Variants in MAF observed in about 807,000 individuals in gnomAD.
MAF encodes the protein transcription factor Maf.
A neutral mutation model predicts 22.0 loss-of-function variants in MAF; 10 were observed. The observed-to-expected ratio is 0.45, with a 90% CI of 0.28 to 0.77. The LOEUF is 0.77. MAF is among the 30% of genes least tolerant of loss of function. The probability of loss-of-function intolerance (pLI) is 0.12; values close to 1 mark genes in which losing one functional copy is unlikely to be tolerated. For synonymous variants in MAF, 337 were observed against 255.8 expected, an observed-to-expected ratio of 1.32 and a Z score of -3.03; for missense variants, 544 against 548.4, an observed-to-expected ratio of 0.99 and a Z score of 0.08.
the MAF span, among the ~76,000 whole-genome samples, chr16:79,292,505 G>A: frequency 6.6e-6 from 1 of 152,184 alleles, no homozygotes; most frequent in Admixed American, 6.5e-5. Flanking sequence ...CTCAGTTGTG[G>A]TACTTGGTTG....
the MAF span, among the ~76,000 whole-genome samples, chr16:79,337,149 G>T: frequency 6.6e-6 from 1 of 152,218 alleles, no homozygotes. Flanking sequence ...GTTAAGACGA[G>T]TGAGTGGGTC....
At chr16:79,366,810 C>G in the MAF span, among the ~76,000 whole-genome samples, 1 of 152,310 alleles carries the variant, frequency 6.6e-6, no homozygotes, top group South Asian at 2.1e-4. Flanking sequence ...TTTATTTAAG[C>G]CCTTGAGATT....
chr16:79,413,484 C>T, the MAF span, among the ~76,000 whole-genome samples: 3 of 151,058 alleles, frequency 2.0e-5, no homozygotes, highest in East Asian at 2.0e-4. Context: ...CCACCCGCCT[C>T]GGCCTCCCAA....
the MAF span, among the ~76,000 whole-genome samples, chr16:79,307,082 A>T: frequency 6.6e-6 from 1 of 152,178 alleles, no homozygotes; most frequent in South Asian, 2.1e-4. Flanking sequence ...GATCCCAAAA[A>T]CCTGACCTTC....
the MAF span, among the ~76,000 whole-genome samples, chr16:79,376,034 C>T: frequency 6.6e-6 from 1 of 151,768 alleles, no homozygotes; most frequent in African/African-American, 2.4e-5. Flanking sequence ...AGAAACTCAT[C>T]GGCAGACTTT....
chr16:79,380,419 C>T, the MAF span, among the ~76,000 whole-genome samples: 1 of 152,124 alleles, frequency 6.6e-6, no homozygotes, highest in Non-Finnish European at 1.5e-5. Flanking sequence ...ATCATGCTAA[C>T]CATTAGCTTA....
chr16:79,355,872 A>G, the MAF span, among the ~76,000 whole-genome samples: 1 of 152,128 alleles, frequency 6.6e-6, no homozygotes, highest in African/African-American at 2.4e-5. Flanking sequence ...CCAGAGGGAG[A>G]TGAGGCTCTT....
At chr16:79,444,314 G>A in the MAF span, among the ~76,000 whole-genome samples, 1 of 152,012 alleles carries the variant, frequency 6.6e-6, no homozygotes, top group African/African-American at 2.4e-5. Flanking sequence ...TATGCTTTCA[G>A]TCTACTTTCA....
chr16:79,505,922 A>G, the MAF span, among the ~76,000 whole-genome samples: 2 of 152,098 alleles, frequency 1.3e-5, no homozygotes, highest in African/African-American at 2.4e-5. Flanking sequence ...CGCAAAGAAC[A>G]ATGGATAGAA....
chr16:79,424,253 G>A, the MAF span, among the ~76,000 whole-genome samples: 5 of 152,122 alleles, frequency 3.3e-5, no homozygotes, highest in Admixed American at 3.3e-4. Context: ...CCGAGATGTT[G>A]AAAAATCATG....
chr16:79,347,856 A>C, the MAF span, among the ~76,000 whole-genome samples: 1 of 152,098 alleles, frequency 6.6e-6, no homozygotes, highest in South Asian at 2.1e-4. Flanking sequence ...CCCAGGCGAG[A>C]ACAGTGGGTC....
the MAF span, among the ~76,000 whole-genome samples, chr16:79,561,102 T>C: frequency 9.1e-4 from 138 of 152,286 alleles, no homozygotes; most frequent in African/African-American, 3.2e-3. Flanking sequence ...CTCTGACATA[T>C]CAAATTCCAC....
At chr16:79,465,609 C>G in the MAF span, among the ~76,000 whole-genome samples, 1 of 152,108 alleles carries the variant, frequency 6.6e-6, no homozygotes, top group Non-Finnish European at 1.5e-5. Context: ...CAAAAACAAA[C>G]ACAAAAATAA....
At chr16:79,516,572 T>A in the MAF span, among the ~76,000 whole-genome samples, 1 of 152,240 alleles carries the variant, frequency 6.6e-6, no homozygotes, top group Non-Finnish European at 1.5e-5. Flanking sequence ...TGATTTTAGT[T>A]GACATTTGTC....
chr16:79,512,525 G>T, the MAF span, among the ~76,000 whole-genome samples: 1 of 152,030 alleles, frequency 6.6e-6, no homozygotes, highest in South Asian at 2.1e-4. Flanking sequence ...GAGAAATGGC[G>T]GCTCCACCTG....
At chr16:79,311,562 C>T in the MAF span, among the ~76,000 whole-genome samples, 4 of 151,130 alleles carry the variant, frequency 2.6e-5, no homozygotes, top group Non-Finnish European at 4.4e-5. Context: ...TTGGATGAGT[C>T]GGGGTACTGT....
chr16:79,473,228 A>G, the MAF span, among the ~76,000 whole-genome samples: 1 of 152,102 alleles, frequency 6.6e-6, no homozygotes, highest in African/African-American at 2.4e-5. Flanking sequence ...GGGAGTCCTC[A>G]TTTCTCTTTG....
chr16:79,542,701 C>T, the MAF span, among the ~76,000 whole-genome samples: 5 of 152,172 alleles, frequency 3.3e-5, no homozygotes, highest in East Asian at 1.9e-4. Context: ...GATGGGCAAG[C>T]TGGGTTTCCT....
the MAF span, among the ~76,000 whole-genome samples, chr16:79,378,020 T>G: frequency 1.9e-4 from 29 of 152,320 alleles, no homozygotes; most frequent in African/African-American, 6.5e-4. Flanking sequence ...GGCTCTTTTT[T>G]GGTTCCTTAT....
Sources: gnomAD v4.1 joint callset for allele counts (sites outside exome capture counted in the v4.1 genomes callset) on GRCh38, gnomAD v4.1.1 for gene constraint, MANE v1.5 for transcripts, NCBI Gene and HGNC (gene_info 2026-07-23, HGNC 2026-07-21) for gene names.